The following HSD17B7 variants were observed in gnomAD, a reference collection of about 807,000 sequenced individuals.
HSD17B7 encodes 3-keto-steroid reductase/17-beta-hydroxysteroid dehydrogenase 7.
HSD17B7 carries 17 observed loss-of-function variants against 34.1 expected under a neutral mutation model. The ratio of observed to expected loss-of-function variants is 0.50; its 90% confidence interval spans 0.34 to 0.75. The LOEUF (loss-of-function observed/expected upper bound fraction) is 0.75. Ranked by LOEUF, HSD17B7 falls within the 30% of genes least tolerant of loss-of-function variation. HSD17B7 has a pLI of 0.01. For missense variants in HSD17B7, 296 were observed against 406.6 expected (o/e 0.73, Z 2.34); for synonymous variants, 122 against 154.6 (o/e 0.79, Z 1.56).
intron 8 of HSD17B7, among the ~76,000 whole-genome samples, chr1:162,810,043 G>A (rs1405187044): frequency 2.0e-5 from 3 of 152,102 alleles, no homozygotes; most frequent in Non-Finnish European, 4.4e-5. Context: ...TGTGATGTTA[G>A]GGTGTCAATT....
At chr1:162,809,889 C>CA (rs1649117867) in intron 8 of HSD17B7, among the ~76,000 whole-genome samples, 1 of 151,840 alleles carries the variant, frequency 6.6e-6, no homozygotes. Context: ...TTGATCTTTT[C>CA]AAAAAACCAG....
At position 162,807,683 on chromosome 1, in the gene HSD17B7, G is replaced by A. The variant is rs551374529; in HGVS notation, c.903+2191G>A. 2.9e-4 allele frequency among the ~76,000 whole-genome samples: 44 copies of A among 152,238 alleles called. No homozygotes were observed. The East Asian group carries it at 7.9e-3, about 27-fold the overall frequency. The stretch of plus-strand genomic sequence containing the variant: ...TCGCCATTCTAACTGGTGTGAGATG[G>A]TATCTCATTGTGGTTTTGATTTGCA... On this transcript the variant is annotated intron_variant, in intron 8 of 8. Transcript: ENST00000254521.
chr1:162,794,909 T>G (rs2102229999), intron 2 of HSD17B7, among the ~76,000 whole-genome samples: 1 of 152,302 alleles, frequency 6.6e-6, no homozygotes, highest in Admixed American at 6.5e-5. Context: ...ATTTAGCAAC[T>G]TAGCACAGAT....
chr1:162,808,182 A>G (rs948322621), intron 8 of HSD17B7, among the ~76,000 whole-genome samples: 5 of 152,214 alleles, frequency 3.3e-5, no homozygotes, highest in African/African-American at 9.7e-5. Context: ...AGCTTTCTAC[A>G]TATGGCTAGC....
chr1:162,803,278 G>A (rs1044395185), intron 5 of HSD17B7, 153 bp from the exon 6 acceptor site: 13 of 1,054,354 alleles, frequency 1.2e-5, no homozygotes, highest in South Asian at 2.2e-5. Context: ...CAACATAAAC[G>A]TTCTACCCAA....
chr1:162,790,777 G>A lies in HSD17B7; in HGVS notation c.-24G>A, dbSNP rs761380064. On this transcript the variant is annotated 5_prime_UTR_variant, in exon 1 of 9. Coordinates refer to ENST00000254521, the MANE Select transcript of HSD17B7 (RefSeq NM_016371.4). The stretch of plus-strand genomic sequence containing the variant: ...AAGCAGCGGCGGTGTTTGCTTCACT[G>A]CTTGGAAGTGTGAGTGCGCGAAGAT... 6.4e-5 allele frequency: 103 copies of A among 1,601,872 alleles called. No individual in the cohort carries two copies. The highest frequency in any genetic ancestry group is 3.2e-5 in the Non-Finnish European group (38 of 1,172,118).
intron 3 of HSD17B7, chr1:162,797,491 G>A (rs2102231668): frequency 4.2e-6 from 1 of 235,654 alleles, no homozygotes; most frequent in African/African-American, 2.2e-5. Flanking sequence ...CTTTAGAACA[G>A]TTTACCTGTA....
intron 8 of HSD17B7, among the ~76,000 whole-genome samples, chr1:162,809,381 T>C (rs1363241519): frequency 6.6e-6 from 1 of 152,356 alleles, no homozygotes; most frequent in East Asian, 1.9e-4. Context: ...CAGTATTTTA[T>C]TGAGGATTTT....
At chr1:162,794,769 A>G (rs924163915) in intron 2 of HSD17B7, among the ~76,000 whole-genome samples, 3 of 152,108 alleles carry the variant, frequency 2.0e-5, no homozygotes, top group Non-Finnish European at 4.4e-5. Flanking sequence ...ATAATATCCC[A>G]TTCCGATGCA....
intron 4 of HSD17B7, chr1:162,798,913 G>A: frequency 3.4e-6 from 1 of 291,378 alleles, no homozygotes; most frequent in South Asian, 2.5e-5. Flanking sequence ...AGAATCGCTT[G>A]AACCCGGGAA....
intron 2 of HSD17B7, chr1:162,793,178 A>T (rs1192922136): frequency 8.7e-6 from 2 of 230,254 alleles, no homozygotes; most frequent in Admixed American, 1.0e-4. Flanking sequence ...GGGATTACAG[A>T]CATGCGCCAC....
intron 8 of HSD17B7, among the ~76,000 whole-genome samples, chr1:162,806,176 G>A (rs772343891): frequency 2.4e-4 from 37 of 152,258 alleles, no homozygotes; most frequent in South Asian, 8.3e-4. Context: ...GAACTACTTT[G>A]TTGTACTTTT....
rs1018830439 is a variant in HSD17B7 at position 162,797,636 on chromosome 1, C to T, written c.333-166C>T. 14 of 1,028,670 alleles carry T rather than the reference C, an allele frequency of 1.4e-5. No individual in the cohort carries two copies. In the African/African-American group the frequency reaches 2.1e-4, roughly 16 times the overall value. The allele number at this position is 1,028,670 out of a possible 1,614,324, so 63.7% of individuals were successfully genotyped here. On this transcript the variant is annotated intron_variant, in intron 3 of 8. Coordinates refer to ENST00000254521, the MANE Select transcript of HSD17B7 (RefSeq NM_016371.4). ...GGGGGAAGGAGGGTCTTTGGCATTT[C>T]ATTTAATACAATAACCCAGTCTGAG...
chr1:162,792,331 C>CGAAA (rs1648436097), intron 1 of HSD17B7, among the ~76,000 whole-genome samples: 1 of 152,182 alleles, frequency 6.6e-6, no homozygotes, highest in Non-Finnish European at 1.5e-5. Context: ...AAATCATTTT[C>CGAAA]ATGAGTGACA....
chr1:162,808,605 G>C (rs978447514), intron 8 of HSD17B7, among the ~76,000 whole-genome samples: 19 of 152,168 alleles, frequency 1.2e-4, no homozygotes, highest in Non-Finnish European at 2.5e-4. Context: ...TATGAGCATG[G>C]AATGTTCTTC....
intron 8 of HSD17B7, among the ~76,000 whole-genome samples, chr1:162,810,723 G>A (rs531819581): frequency 6.6e-6 from 1 of 152,162 alleles, no homozygotes; most frequent in African/African-American, 2.4e-5. Context: ...TTGTCTCTTT[G>A]ATCTTTGTTG....
chr1:162,806,890 T>C (rs935190007), intron 8 of HSD17B7, among the ~76,000 whole-genome samples: 1 of 152,248 alleles, frequency 6.6e-6, no homozygotes, highest in Non-Finnish European at 1.5e-5. Flanking sequence ...GGGGTTGAAC[T>C]AGAAGAGTTC....
chr1:162,812,192 C>T (rs1649190226), intron 8 of HSD17B7, 106 bp from the exon 9 acceptor site: 1 of 1,390,412 alleles, frequency 7.2e-7, no homozygotes, highest in East Asian at 2.6e-5. Context: ...CCCTTTCCTG[C>T]TGCCTCCTTT....
chr1:162,799,129 T>C (rs963673990), intron 4 of HSD17B7, among the ~76,000 whole-genome samples: 4 of 104,570 alleles, frequency 3.8e-5, no homozygotes, highest in African/African-American at 1.5e-4. Context: ...AGATTGTCAG[T>C]TCTCCTTTAT....
Sources: gnomAD v4.1 joint callset for allele counts (sites outside exome capture counted in the v4.1 genomes callset) on GRCh38, gnomAD v4.1.1 for gene constraint, MANE v1.5 for transcripts, NCBI Gene and HGNC (gene_info 2026-07-23, HGNC 2026-07-21) for gene names.